DLGAP1: variants seen among roughly 807,000 people sequenced by gnomAD.
DLGAP1 encodes DLG associated protein 1.
A neutral mutation model predicts 90.8 loss-of-function variants in DLGAP1; 11 were observed. The ratio of observed to expected loss-of-function variants is 0.12; its 90% CI spans 0.08 to 0.20. The LOEUF (loss-of-function observed/expected upper bound fraction) is 0.20. Ranked by LOEUF, DLGAP1 falls within the 10% of genes least tolerant of loss-of-function variation. The probability of loss-of-function intolerance (pLI) is 1.00; values close to 1 mark genes in which losing one functional copy is unlikely to be tolerated. For synonymous variants in DLGAP1, 558 were observed against 540.7 expected, an observed-to-expected ratio of 1.03 and a Z score of -0.44; for missense variants, 1,050 against 1,333.8, an observed-to-expected ratio of 0.79 and a Z score of 3.31.
At chr18:4,318,790 A>G (rs994134663) in intron 1 of DLGAP1, among the ~76,000 whole-genome samples, 8 of 152,218 alleles carry the variant, frequency 5.3e-5, no homozygotes, top group Admixed American at 5.2e-4. Flanking sequence ...AGATCCAGGT[A>G]CTGAAGTTGT....
intron 7 of DLGAP1, chr18:3,608,260 T>A (rs2057417505): frequency 6.6e-6 from 1 of 151,208 alleles, no homozygotes; most frequent in African/African-American, 2.4e-5. Context: ...AGGTGGAGGT[T>A]ACAGTGAGCG....
intron 5 of DLGAP1, among the ~76,000 whole-genome samples, chr18:3,767,395 T>C (rs1430397405): frequency 6.6e-6 from 1 of 152,038 alleles, no homozygotes; most frequent in African/African-American, 2.4e-5. Context: ...CATTATAAAA[T>C]GAATTTTTAT....
chr18:3,788,532 T>G (rs2065567540), intron 5 of DLGAP1, among the ~76,000 whole-genome samples: 1 of 152,194 alleles, frequency 6.6e-6, no homozygotes. Context: ...CAACACCTTT[T>G]TTTCTGAGGA....
At chr18:4,314,963 A>C (rs1265626269) in intron 1 of DLGAP1, among the ~76,000 whole-genome samples, 1 of 152,348 alleles carries the variant, frequency 6.6e-6, no homozygotes, top group East Asian at 1.9e-4. Flanking sequence ...ATTTATCTAA[A>C]GAATATCTGT....
intron 1 of DLGAP1, among the ~76,000 whole-genome samples, chr18:4,295,576 A>G (rs932894976): frequency 2.4e-4 from 37 of 152,258 alleles, no homozygotes; most frequent in African/African-American, 7.7e-4. Context: ...AAACAAACAC[A>G]TACAAAAATA....
In DLGAP1 at chr18:3,561,277, A is replaced by C. The variant is rs1193310273; in HGVS notation, c.2057+6213T>G. Among the ~76,000 whole-genome samples, 10 of 138,828 alleles carry C rather than the reference A, an allele frequency of 7.2e-5. 1 individual carries two copies. Among genetic ancestry groups the C allele is most frequent in the African/African-American group, 2.6e-4 (9 of 35,142 alleles). The allele number at this position is 138,828 out of a possible 152,430, so 91.1% of individuals were successfully genotyped here. On this transcript the variant is annotated intron_variant, in intron 9 of 12. Coordinates refer to ENST00000315677, the MANE Select transcript of DLGAP1 (RefSeq NM_004746.4). ...CTAAAAAAAAAAAACAAAAAAAAAA[A>C]AACAAACAAAAAATAGCCAGATGTG...
intron 7 of DLGAP1, among the ~76,000 whole-genome samples, chr18:3,663,264 T>TC (rs2059752096): frequency 1.3e-5 from 2 of 148,170 alleles, no homozygotes; most frequent in Admixed American, 1.4e-4. Flanking sequence ...AGAGCAAGAC[T>TC]CCCCCTAAAA....
intron 7 of DLGAP1, chr18:3,594,340 A>ACCCC (rs944186506): frequency 1.1e-5 from 1 of 87,218 alleles, no homozygotes; most frequent in South Asian, 4.4e-4. Context: ...CCACTCCCAC[A>ACCCC]CCCCCCTCCC....
At chr18:3,506,298 G>A (rs1290028088) in intron 11 of DLGAP1, among the ~76,000 whole-genome samples, 2 of 151,748 alleles carry the variant, frequency 1.3e-5, no homozygotes, top group Non-Finnish European at 2.9e-5. Context: ...CAGATCACCT[G>A]AGGTCAGGAG....
chr18:4,320,698 G>A (rs1034263244), intron 1 of DLGAP1, among the ~76,000 whole-genome samples: 2 of 149,728 alleles, frequency 1.3e-5, no homozygotes, highest in Admixed American at 1.3e-4. Context: ...ATCTGTGGTG[G>A]AAACCCTAAT....
intron 1 of DLGAP1, among the ~76,000 whole-genome samples, chr18:4,166,457 G>A (rs978192973): frequency 6.6e-6 from 1 of 152,268 alleles, no homozygotes; most frequent in East Asian, 1.9e-4. Flanking sequence ...TGCTATGGAG[G>A]CTGAGGCAGG....
chr18:3,733,944 CAA>C (rs1241044367), intron 6 of DLGAP1, among the ~76,000 whole-genome samples: 3 of 152,032 alleles, frequency 2.0e-5, no homozygotes, highest in Non-Finnish European at 4.4e-5. Context: ...TCCAGAAATC[CAA>C]AGTGTTTTTA....
intron 8 of DLGAP1, among the ~76,000 whole-genome samples, chr18:3,579,349 C>G (rs939624785): frequency 2.0e-5 from 3 of 152,160 alleles, no homozygotes; most frequent in African/African-American, 7.2e-5. Context: ...TAGCTGGGAT[C>G]ACAGGCATGC....
At chr18:3,741,277 AC>A (rs1351455261) in intron 6 of DLGAP1, among the ~76,000 whole-genome samples, 4 of 95,590 alleles carry the variant, frequency 4.2e-5, no homozygotes, top group Non-Finnish European at 6.0e-5. Context: ...CCACCACATC[AC>A]CATCACCACC....
At chr18:3,501,216 C>G (rs1488126193) in intron 12 of DLGAP1, among the ~76,000 whole-genome samples, 2 of 134,900 alleles carry the variant, frequency 1.5e-5, no homozygotes, top group Non-Finnish European at 3.1e-5. Flanking sequence ...CCATGCCCAG[C>G]CAACAATGAT....
At chr18:4,216,891 G>A (rs1011290662) in intron 1 of DLGAP1, among the ~76,000 whole-genome samples, 6 of 152,056 alleles carry the variant, frequency 3.9e-5, no homozygotes, top group East Asian at 1.9e-4. Context: ...ATTATTAACC[G>A]AAGTCCATAA....
At chr18:3,988,971 G>A (rs7229229) in intron 3 of DLGAP1, among the ~76,000 whole-genome samples, 63 of 152,288 alleles carry the variant, frequency 4.1e-4, no homozygotes, top group African/African-American at 1.5e-3. Flanking sequence ...TGAATTCCTC[G>A]TCACTGTCCT....
At chr18:3,506,578 A>G (rs1339549056) in intron 11 of DLGAP1, among the ~76,000 whole-genome samples, 1 of 151,358 alleles carries the variant, frequency 6.6e-6, no homozygotes, top group Non-Finnish European at 1.5e-5. Flanking sequence ...AAATCTGCAA[A>G]TTTTTCAAAA....
Position 3,740,696 on chromosome 18 carries a change from A to G in DLGAP1, c.1350+1639T>C, listed in dbSNP as rs117150193. 5.9e-5 allele frequency among the ~76,000 whole-genome samples: 9 copies of G among 152,108 alleles called. No homozygotes were observed. The East Asian group carries it at 1.5e-3, about 26-fold the overall frequency. ...TTCATCTATACCAGCACCACACCATAGCATCACTATCACCACTGTCACTGC... is the reference window on the plus strand; with the variant it reads ...TTCATCTATACCAGCACCACACCATGGCATCACTATCACCACTGTCACTGC... On this transcript the variant is annotated intron_variant, in intron 6 of 12. Coordinates refer to ENST00000315677, the MANE Select transcript of DLGAP1 (RefSeq NM_004746.4).
Sources: gnomAD v4.1 joint callset for allele counts (sites outside exome capture counted in the v4.1 genomes callset) on GRCh38, gnomAD v4.1.1 for gene constraint, MANE v1.5 for transcripts, NCBI Gene and HGNC (gene_info 2026-07-23, HGNC 2026-07-21) for gene names.